The following KCNIP4 variants were observed in gnomAD, a reference collection of about 807,000 sequenced individuals.
KCNIP4 encodes the protein Kv channel-interacting protein 4.
In KCNIP4, 12 loss-of-function variants were observed where a neutral mutation model predicts 34.0. That is an observed-to-expected ratio of 0.35 (90% CI 0.23 to 0.57). The LOEUF is 0.57. Among genes scored for constraint, KCNIP4 ranks in the 20% least tolerant of loss-of-function variants. KCNIP4 has a pLI of 0.83. For missense variants in KCNIP4, 238 were observed against 311.7 expected, an observed-to-expected ratio of 0.76 and a Z score of 1.78; for synonymous variants, 124 against 102.2, an observed-to-expected ratio of 1.21 and a Z score of -1.29.
At position 21,023,754 on chromosome 4, in the gene KCNIP4, C is replaced by T. The variant is rs145227039; in HGVS notation, c.62-141045G>A. Among the ~76,000 whole-genome samples, 592 of 152,018 alleles carry T rather than the reference C, an allele frequency of 3.9e-3. 5 individuals carry two copies. Among genetic ancestry groups the T allele is most frequent in the African/African-American group, 0.013 (550 of 41,492 alleles). ...AAAGTTAACCAGGCATGGTGGTGCA[C>T]GCCTGTAGGTCTAGCTACTCAGGAG... On this transcript the variant is annotated intron_variant, in intron 1 of 8. Coordinates refer to ENST00000382152, the MANE Select transcript of KCNIP4 (RefSeq NM_025221.6).
chr4:21,650,816 A>G (rs1181781115), intron 1 of KCNIP4, among the ~76,000 whole-genome samples: 5 of 152,148 alleles, frequency 3.3e-5, no homozygotes, highest in East Asian at 1.9e-4. Context: ...TTCCATCTGG[A>G]GTTTGGGGGT....
At chr4:20,992,464 T>G (rs193056412) in intron 1 of KCNIP4, among the ~76,000 whole-genome samples, 16 of 152,234 alleles carry the variant, frequency 1.1e-4, no homozygotes, top group African/African-American at 3.6e-4. Context: ...CAAGATGAGA[T>G]TTTGGGTGGG....
intron 1 of KCNIP4, among the ~76,000 whole-genome samples, chr4:21,713,444 A>G (rs1713900130): frequency 1.3e-5 from 2 of 152,308 alleles, no homozygotes; most frequent in South Asian, 2.1e-4. Context: ...ATATAGAAAT[A>G]TATCTGCACT....
intron 1 of KCNIP4, among the ~76,000 whole-genome samples, chr4:21,009,339 C>A (rs1560642226): frequency 6.6e-6 from 1 of 152,152 alleles, no homozygotes; most frequent in Non-Finnish European, 1.5e-5. Flanking sequence ...AAGTGAGTGT[C>A]AATAAACCCT....
rs1042887985 is a variant in KCNIP4, at chr4:20,879,720, A to G, written c.163+2888T>C. Among the ~76,000 whole-genome samples the G allele has an allele frequency of 5.9e-5, 9 of 152,342 alleles. No homozygotes were observed. The East Asian group carries it at 1.7e-3, about 29-fold the overall frequency. The stretch of plus-strand genomic sequence containing the variant: ...ATAATTTCGAAGTATTAAGAATATT[A>G]TGCCTAAATAACAACAGAACTCAAG... On this transcript the variant is annotated intron_variant, in intron 2 of 8. Coordinates refer to ENST00000382152, the MANE Select transcript of KCNIP4 (RefSeq NM_025221.6).
intron 1 of KCNIP4, among the ~76,000 whole-genome samples, chr4:21,049,134 T>G (rs903969995): frequency 6.6e-6 from 1 of 151,138 alleles, no homozygotes; most frequent in African/African-American, 2.4e-5. Context: ...GTATTTTTAG[T>G]AGAGACGGGG....
At chr4:21,502,389 C>T (rs1343563715) in intron 1 of KCNIP4, among the ~76,000 whole-genome samples, 1 of 152,046 alleles carries the variant, frequency 6.6e-6, no homozygotes, top group Non-Finnish European at 1.5e-5. Flanking sequence ...TAGATCTTGC[C>T]TAAATGAATT....
At chr4:21,263,435 G>A (rs192185167) in intron 1 of KCNIP4, among the ~76,000 whole-genome samples, 6 of 152,248 alleles carry the variant, frequency 3.9e-5, no homozygotes, top group African/African-American at 1.4e-4. Context: ...TCTATGTGAA[G>A]TTTACTTAGC....
At chr4:21,020,893 G>A (rs1278482240) in intron 1 of KCNIP4, among the ~76,000 whole-genome samples, 1 of 152,152 alleles carries the variant, frequency 6.6e-6, no homozygotes, top group Non-Finnish European at 1.5e-5. Context: ...TAGACAATTT[G>A]AGTAGGTCAA....
chr4:21,764,404 T>C (rs1464637831), intron 1 of KCNIP4, among the ~76,000 whole-genome samples: 1 of 152,106 alleles, frequency 6.6e-6, no homozygotes, highest in Non-Finnish European at 1.5e-5. Flanking sequence ...AATGAGCTAG[T>C]TCAACTTGGA....
intron 1 of KCNIP4, among the ~76,000 whole-genome samples, chr4:20,938,870 C>T (rs928673497): frequency 6.6e-6 from 1 of 152,200 alleles, no homozygotes; most frequent in Non-Finnish European, 1.5e-5. Context: ...ATACTTCAAC[C>T]TCTTTATCCT....
At chr4:21,061,603 C>T (rs111618317) in intron 1 of KCNIP4, among the ~76,000 whole-genome samples, 1 of 152,006 alleles carries the variant, frequency 6.6e-6, no homozygotes, top group Non-Finnish European at 1.5e-5. Context: ...CAAGCTGGAA[C>T]CCTGCCTACC....
chr4:20,973,596 G>C (rs1203637967), intron 1 of KCNIP4, among the ~76,000 whole-genome samples: 1 of 152,214 alleles, frequency 6.6e-6, no homozygotes, highest in Non-Finnish European at 1.5e-5. Context: ...TGGCCCAAGA[G>C]GCTTAGTGTT....
At chr4:21,565,911 C>T (rs1739845743) in intron 1 of KCNIP4, among the ~76,000 whole-genome samples, 1 of 152,096 alleles carries the variant, frequency 6.6e-6, no homozygotes, top group Non-Finnish European at 1.5e-5. Flanking sequence ...AGTGATGTTT[C>T]AAGCAGCTCT....
chr4:20,882,516 C>T (rs2149524636), intron 2 of KCNIP4, 92 bp downstream of exon 2: 1 of 838,814 alleles, frequency 1.2e-6, no homozygotes, highest in East Asian at 2.6e-5. Flanking sequence ...GTAGAATATA[C>T]TGATTCTTTG....
chr4:21,255,015 G>T (rs1256054672), intron 1 of KCNIP4, among the ~76,000 whole-genome samples: 3 of 152,078 alleles, frequency 2.0e-5, no homozygotes, highest in Non-Finnish European at 4.4e-5. Context: ...AGGGCTATTT[G>T]ACTTCAGGTA....
intron 1 of KCNIP4, among the ~76,000 whole-genome samples, chr4:21,593,505 G>A (rs1742384922): frequency 3.3e-5 from 5 of 151,926 alleles, no homozygotes; most frequent in Admixed American, 3.3e-4. Flanking sequence ...TGCCACTGTG[G>A]TCCCCGGACC....
intron 4 of KCNIP4, among the ~76,000 whole-genome samples, chr4:20,754,231 A>G (rs1472964408): frequency 1.3e-5 from 2 of 152,118 alleles, no homozygotes; most frequent in Non-Finnish European, 2.9e-5. Context: ...CAGCTCACCA[A>G]ACAAGTTGGG....
intron 1 of KCNIP4, among the ~76,000 whole-genome samples, chr4:21,298,704 T>C (rs759109039): frequency 6.6e-6 from 1 of 152,286 alleles, no homozygotes; most frequent in South Asian, 2.1e-4. Context: ...GATTTATTCA[T>C]GTTACAAGAG....
Sources: gnomAD v4.1 joint callset for allele counts (sites outside exome capture counted in the v4.1 genomes callset) on GRCh38, gnomAD v4.1.1 for gene constraint, MANE v1.5 for transcripts, NCBI Gene and HGNC (gene_info 2026-07-23, HGNC 2026-07-21) for gene names.